PAH: variants seen among roughly 807,000 people sequenced by gnomAD.
The protein encoded by PAH is phenylalanine-4-hydroxylase.
Under a neutral mutation model 62.0 loss-of-function variants are expected in PAH, and 64 were observed. The observed-to-expected ratio is 1.03, with a 90% CI of 0.84 to 1.27. The LOEUF (loss-of-function observed/expected upper bound fraction) is 1.27. Ranked by LOEUF, PAH falls within the 50% of genes most tolerant of loss-of-function variation. The pLI is 0.00. For synonymous variants in PAH, 195 were observed against 196.2 expected, an observed-to-expected ratio of 0.99 and a Z score of 0.05; for missense variants, 579 against 542.8, an observed-to-expected ratio of 1.07 and a Z score of -0.66.
At chr12:102,878,638 G>A (rs1447643287) in intron 3 of PAH, among the ~76,000 whole-genome samples, 1 of 150,614 alleles carries the variant, frequency 6.6e-6, no homozygotes, top group African/African-American at 2.4e-5. Context: ...GGAAGGAAGA[G>A]GGAAGAGAGG....
chr12:102,891,896 C>T (rs1012604311), intron 3 of PAH, among the ~76,000 whole-genome samples: 1 of 152,226 alleles, frequency 6.6e-6, no homozygotes, highest in Admixed American at 6.5e-5. Flanking sequence ...CCAGCCTCCA[C>T]CTGCTCCAAC....
At position 102,844,687 on chromosome 12, in the gene PAH, C is replaced by T. The variant is rs757694544; in HGVS notation, c.970-256G>A. Among the ~76,000 whole-genome samples, 8 of 152,258 alleles carry T rather than the reference C, an allele frequency of 5.3e-5. No homozygotes were observed. The East Asian group carries it at 7.7e-4, about 15-fold the overall frequency. On this transcript the variant is annotated intron_variant, in intron 9 of 12. Coordinates refer to ENST00000553106, the MANE Select transcript of PAH (RefSeq NM_000277.3). ...GAAAAAGGCAGAGGAAAGCCACATACGTATTCTATCTCTCTTGGAACCAGG... is the reference window on the plus strand; with the variant it reads ...GAAAAAGGCAGAGGAAAGCCACATATGTATTCTATCTCTCTTGGAACCAGG...
At chr12:102,920,432 G>A (rs758180515), upstream of PAH, among the ~76,000 whole-genome samples, 19 of 152,190 alleles carry the variant, frequency 1.2e-4, no homozygotes, top group Non-Finnish European at 2.8e-4. Context: ...GAGAAGTTGT[G>A]TACTTGGCAA....
intron 7 of PAH, 61 bp downstream of exon 7, chr12:102,852,754 G>C: frequency 6.2e-7 from 1 of 1,608,766 alleles, no homozygotes; most frequent in Non-Finnish European, 8.5e-7. Flanking sequence ...CCTCATTCTT[G>C]CAGCAGGAAA....
Position 102,894,719 on chromosome 12 carries a change from T to C in PAH, c.352+16A>G. ...GTGTGGAGTTACTTATGTTGCAAAA[T>C]TCCTCTAATTCTTACCTGTGTCTTT... On this transcript the variant is annotated intron_variant, in intron 3 of 12. Transcript: ENST00000553106. 2 of 1,610,156 alleles carry C rather than the reference T, an allele frequency of 1.2e-6. No homozygotes were observed. The highest frequency in any genetic ancestry group is 1.7e-6 in the Non-Finnish European group (2 of 1,176,366).
intron 2 of PAH, among the ~76,000 whole-genome samples, chr12:102,912,446 T>C: frequency 6.6e-6 from 1 of 152,152 alleles, no homozygotes; most frequent in Non-Finnish European, 1.5e-5. Flanking sequence ...CACATGTGAT[T>C]ACATGTTATG....
intron 3 of PAH, among the ~76,000 whole-genome samples, chr12:102,885,339 C>A (rs1245885992): frequency 1.3e-5 from 2 of 152,210 alleles, no homozygotes; most frequent in African/African-American, 4.8e-5. Flanking sequence ...GCGACCCAGG[C>A]CTCCGTTTTG....
intron 4 of PAH, chr12:102,877,131 G>A (rs778927553): frequency 9.9e-5 from 38 of 384,618 alleles, no homozygotes; most frequent in Non-Finnish European, 1.6e-4. Flanking sequence ...TGTTTACCAA[G>A]CACTTGACTT....
intron 2 of PAH, chr12:102,904,731 A>G: frequency 2.0e-6 from 1 of 508,332 alleles, no homozygotes; most frequent in Non-Finnish European, 3.9e-6. Flanking sequence ...GCACAGCTTA[A>G]AGGTCTCATC....
chr12:102,877,453 T>C lies in PAH; in HGVS notation c.441+9A>G, dbSNP rs756060157. 10 of 1,606,360 alleles carry C rather than the reference T, an allele frequency of 6.2e-6. No homozygotes were observed. The East Asian group carries it at 2.0e-4, about 32-fold the overall frequency. ...TGAAAAAATCTCATCCTACGGGCCA[T>C]GGACTCACAGGGTGGTCAGCATCCA... On this transcript the variant is annotated intron_variant, in intron 4 of 12. Coordinates refer to ENST00000553106, the MANE Select transcript of PAH (RefSeq NM_000277.3).
intron 5 of PAH, among the ~76,000 whole-genome samples, chr12:102,865,839 A>C (rs1875932455): frequency 6.6e-6 from 1 of 152,206 alleles, no homozygotes; most frequent in South Asian, 2.1e-4. Context: ...AGATTCTATC[A>C]AAGCTGTCAA....
intron 3 of PAH, among the ~76,000 whole-genome samples, chr12:102,879,613 G>T (rs924828188): frequency 3.3e-5 from 5 of 151,308 alleles, no homozygotes; most frequent in Non-Finnish European, 7.4e-5. Context: ...TGTGGGGGGG[G>T]GGTACTATTA....
At chr12:102,862,879 A>G (rs1592959324) in intron 5 of PAH, among the ~76,000 whole-genome samples, 2 of 152,056 alleles carry the variant, frequency 1.3e-5, no homozygotes, top group South Asian at 4.1e-4. Flanking sequence ...AAAAGATAGC[A>G]TTTTGCTTAA....
At chr12:102,847,156 T>A in intron 8 of PAH, 1 of 598,902 alleles carries the variant, frequency 1.7e-6, no homozygotes, top group Admixed American at 2.7e-5. Flanking sequence ...CACCCTCACT[T>A]GGCCCTTTGT....
chr12:102,930,283 C>T (rs1878812748), intron 1 of PAH, among the ~76,000 whole-genome samples: 1 of 152,100 alleles, frequency 6.6e-6, no homozygotes, highest in African/African-American at 2.4e-5. Flanking sequence ...AGCTAATGAA[C>T]TAAAGCTTTA....
In PAH at chr12:102,887,900, A is replaced by T. The variant is rs192367413; in HGVS notation, c.352+6835T>A. On this transcript the variant is annotated intron_variant, in intron 3 of 12. Transcript: ENST00000553106. ...CATGATGGCAAAGTGATATTTAGTTAGTCATTCCATGTCCTTTTACTTCCT... is the reference window on the plus strand; with the variant it reads ...CATGATGGCAAAGTGATATTTAGTTTGTCATTCCATGTCCTTTTACTTCCT... Among the ~76,000 whole-genome samples, 350 of 152,334 alleles carry T rather than the reference A, an allele frequency of 2.3e-3. 2 individuals carry two copies. The highest frequency in any genetic ancestry group is 8.0e-3 in the African/African-American group (332 of 41,576).
intron 4 of PAH, among the ~76,000 whole-genome samples, chr12:102,871,922 CAAAAAAAAAAAAAAAAAA>C (rs1168829038): frequency 1.8e-4 from 21 of 115,516 alleles, no homozygotes; most frequent in African/African-American, 7.4e-4. Context: ...AACTCTGCCT[CAAAAAAAAAAAAAAAAAA>C]AAAAAAAAAA....
intron 3 of PAH, among the ~76,000 whole-genome samples, chr12:102,889,852 G>A (rs981687153): frequency 2.6e-5 from 4 of 152,098 alleles, no homozygotes; most frequent in African/African-American, 2.4e-5. Context: ...TCATGCAGTC[G>A]ACTCAAAGGG....
At chr12:102,876,861 A>G (rs1281465958) in intron 4 of PAH, among the ~76,000 whole-genome samples, 1 of 150,346 alleles carries the variant, frequency 6.7e-6, no homozygotes, top group Non-Finnish European at 1.5e-5. Flanking sequence ...TTTCTGGTCC[A>G]TTAGCCCTTT....
Sources: gnomAD v4.1 joint callset for allele counts (sites outside exome capture counted in the v4.1 genomes callset) on GRCh38, gnomAD v4.1.1 for gene constraint, MANE v1.5 for transcripts, NCBI Gene and HGNC (gene_info 2026-07-23, HGNC 2026-07-21) for gene names.